The following GPC6 variants were observed in gnomAD, a reference collection of about 807,000 sequenced individuals.
The protein encoded by GPC6 is glypican-6.
A neutral mutation model predicts 55.2 loss-of-function variants in GPC6; 14 were observed. The observed-to-expected ratio is 0.25, with a 90% CI of 0.17 to 0.40. GPC6 has a LOEUF of 0.40. Ranked by LOEUF, GPC6 falls within the 10% of genes least tolerant of loss-of-function variation. The pLI is 1.00. For synonymous variants in GPC6, 278 were observed against 259.6 expected (o/e 1.07, Z -0.68); for missense variants, 641 against 708.5 (o/e 0.90, Z 1.08).
intron 1 of GPC6, among the ~76,000 whole-genome samples, chr13:93,314,901 G>A (rs986827275): frequency 6.6e-6 from 1 of 151,994 alleles, no homozygotes; most frequent in African/African-American, 2.4e-5. Flanking sequence ...GTTTTGTTTT[G>A]TTTGTTTGTT....
chr13:93,377,434 A>T (rs948065072), intron 1 of GPC6, among the ~76,000 whole-genome samples: 16 of 152,350 alleles, frequency 1.1e-4, no homozygotes, highest in African/African-American at 3.8e-4. Flanking sequence ...GACAACTCTC[A>T]GAGTTTACAA....
intron 1 of GPC6, among the ~76,000 whole-genome samples, chr13:93,427,479 T>C (rs1478846842): frequency 6.6e-6 from 1 of 151,688 alleles, no homozygotes; most frequent in East Asian, 1.9e-4. Context: ...TTGACAAACC[T>C]GAGAAAAACA....
At chr13:94,397,346 G>T (rs1025970202) in intron 7 of GPC6, among the ~76,000 whole-genome samples, 1 of 152,068 alleles carries the variant, frequency 6.6e-6, no homozygotes, top group Non-Finnish European at 1.5e-5. Context: ...AAGATCTTTA[G>T]CCTCCACTTA....
intron 2 of GPC6, among the ~76,000 whole-genome samples, chr13:93,626,245 AT>A (rs1193590936): frequency 6.6e-6 from 1 of 152,178 alleles, no homozygotes; most frequent in Non-Finnish European, 1.5e-5. Flanking sequence ...AATATTAAAT[AT>A]GAGACGTCTT....
chr13:94,340,620 A>C (rs1877985185), intron 6 of GPC6, among the ~76,000 whole-genome samples: 1 of 152,242 alleles, frequency 6.6e-6, no homozygotes, highest in South Asian at 2.1e-4. Context: ...GTCACTATGT[A>C]TATAAAGCCA....
intron 3 of GPC6, among the ~76,000 whole-genome samples, chr13:93,833,126 A>T: frequency 7.6e-6 from 1 of 132,416 alleles, no homozygotes; most frequent in African/African-American, 2.8e-5. Flanking sequence ...AGAGAGAGAG[A>T]GAGAGAGAGA....
At chr13:93,698,301 A>G (rs1040478155) in intron 2 of GPC6, among the ~76,000 whole-genome samples, 2 of 152,106 alleles carry the variant, frequency 1.3e-5, no homozygotes, top group Non-Finnish European at 2.9e-5. Context: ...AGACAGACTC[A>G]TTGTCATTAA....
At chr13:93,613,130 C>G (rs1263210650) in intron 2 of GPC6, among the ~76,000 whole-genome samples, 1 of 152,092 alleles carries the variant, frequency 6.6e-6, no homozygotes, top group African/African-American at 2.4e-5. Context: ...TGGGCAAGAA[C>G]AGAGGTGTAC....
In GPC6 at chr13:94,306,100, G is replaced by A. The variant is rs779691812; in HGVS notation, c.1129G>A (p.Ala377Thr). Residue 377 changes from alanine (A) to threonine (T), a missense_variant, in exon 6 of 9, where the codon GCA becomes ACA. Coordinates refer to ENST00000377047, the MANE Select transcript of GPC6 (RefSeq NM_005708.5). ...TCCTGAGGAAAGACCAACAACTGCT[G>A]CAGGCACAAGCTTGGACCGGCTGGT... is the stretch of plus-strand genomic sequence containing the variant. ...YNPEERPTTA[A>T]GTSLDRLVTD... The A allele has an allele frequency of 1.8e-4, 283 of 1,614,074 alleles. No homozygotes were observed. Among genetic ancestry groups the A allele is most frequent in the Non-Finnish European group, 2.3e-4 (276 of 1,180,028 alleles).
At chr13:94,395,285 G>T (rs902202423) in intron 7 of GPC6, among the ~76,000 whole-genome samples, 1 of 152,186 alleles carries the variant, frequency 6.6e-6, no homozygotes, top group East Asian at 1.9e-4. Context: ...TAAAAGGCAG[G>T]ACAGAAGTTA....
intron 1 of GPC6, among the ~76,000 whole-genome samples, chr13:93,358,975 CT>C (rs1555293628): frequency 1.7e-3 from 169 of 99,326 alleles, no homozygotes; most frequent in East Asian, 0.011. Context: ...TTCTCTCTCT[CT>C]TTTTTTTTTT....
At chr13:93,960,956 G>T (rs1042908286) in intron 3 of GPC6, among the ~76,000 whole-genome samples, 12 of 151,816 alleles carry the variant, frequency 7.9e-5, no homozygotes, top group Non-Finnish European at 1.2e-4. Flanking sequence ...GGGACTACAG[G>T]CACCCGCCAC....
At chr13:93,297,523 TG>T (rs1426054432) in intron 1 of GPC6, among the ~76,000 whole-genome samples, 3 of 152,086 alleles carry the variant, frequency 2.0e-5, no homozygotes, top group Non-Finnish European at 4.4e-5. Context: ...CCCAGCTACT[TG>T]GGAGGCTGAG....
At chr13:93,588,508 T>G (rs1020593343) in intron 2 of GPC6, among the ~76,000 whole-genome samples, 23 of 152,302 alleles carry the variant, frequency 1.5e-4, no homozygotes, top group African/African-American at 5.5e-4. Flanking sequence ...GTATTGGCTG[T>G]TCTTGCATAG....
intron 2 of GPC6, among the ~76,000 whole-genome samples, chr13:93,730,000 T>C (rs952764228): frequency 1.3e-5 from 2 of 152,194 alleles, no homozygotes; most frequent in African/African-American, 4.8e-5. Context: ...AGGGGCCTGA[T>C]GATTGGGAAG....
intron 4 of GPC6, among the ~76,000 whole-genome samples, chr13:94,149,535 A>C (rs183481068): frequency 2.6e-5 from 4 of 152,274 alleles, no homozygotes; most frequent in Admixed American, 2.6e-4. Flanking sequence ...CATGCAGAAC[A>C]GTTAGAAGAA....
chr13:94,159,589 TG>T (rs1286665603), intron 4 of GPC6, among the ~76,000 whole-genome samples: 2 of 152,006 alleles, frequency 1.3e-5, no homozygotes, highest in African/African-American at 4.8e-5. Context: ...CCACAACACA[TG>T]GGAATCATGG....
At chr13:93,660,901 A>T (rs1359955747) in intron 2 of GPC6, among the ~76,000 whole-genome samples, 3 of 152,142 alleles carry the variant, frequency 2.0e-5, no homozygotes, top group African/African-American at 7.2e-5. Context: ...ATAGCTCATG[A>T]CCCATCTGAG....
intron 4 of GPC6, among the ~76,000 whole-genome samples, chr13:94,041,590 T>C (rs1883534734): frequency 6.6e-6 from 1 of 151,892 alleles, no homozygotes; most frequent in African/African-American, 2.4e-5. Context: ...TTTAGAAATC[T>C]TAACATTCTC....
Sources: allele counts gnomAD v4.1 joint callset (sites outside exome capture counted in the v4.1 genomes callset), GRCh38; gene constraint gnomAD v4.1.1; transcripts MANE v1.5; gene names NCBI Gene and HGNC (gene_info 2026-07-23, HGNC 2026-07-21).